PPCDC: variants seen among roughly 807,000 people sequenced by gnomAD.
PPCDC encodes the protein phosphopantothenoylcysteine decarboxylase.
A neutral mutation model predicts 20.7 loss-of-function variants in PPCDC; 20 were observed. That is an observed-to-expected ratio of 0.97 (90% CI 0.68 to 1.41). The LOEUF (loss-of-function observed/expected upper bound fraction) is 1.41, where lower values mean the gene tolerates loss of function less well. Ranked by LOEUF, PPCDC falls within the 40% of genes most tolerant of loss-of-function variation. PPCDC has a pLI of 0.00. For missense variants in PPCDC, 246 were observed against 263.8 expected, an observed-to-expected ratio of 0.93 and a Z score of 0.47; for synonymous variants, 88 against 100.3, an observed-to-expected ratio of 0.88 and a Z score of 0.73.
intron 2 of PPCDC, among the ~76,000 whole-genome samples, chr15:75,029,663 A>G (rs1018666151): frequency 6.6e-6 from 1 of 151,952 alleles, no homozygotes; most frequent in Non-Finnish European, 1.5e-5. Flanking sequence ...GTCTCGTGGC[A>G]CTCTGACACT....
At chr15:75,038,006 G>A (rs918190902) in intron 2 of PPCDC, among the ~76,000 whole-genome samples, 1 of 152,166 alleles carries the variant, frequency 6.6e-6, no homozygotes, top group African/African-American at 2.4e-5. Context: ...TCCACAAATT[G>A]CTACAGATGA....
At chr15:75,033,988 CA>C (rs2066056632) in intron 2 of PPCDC, among the ~76,000 whole-genome samples, 1 of 152,188 alleles carries the variant, frequency 6.6e-6, no homozygotes, top group Non-Finnish European at 1.5e-5. Context: ...CCAGCTCCCC[CA>C]GGGGCAGATG....
intron 2 of PPCDC, 93 bp downstream of exon 2, chr15:75,028,546 T>C: frequency 6.5e-7 from 1 of 1,533,548 alleles, no homozygotes; most frequent in Non-Finnish European, 8.9e-7. Flanking sequence ...CATGCAATTT[T>C]CTTTTTCTTT....
intron 4 of PPCDC, among the ~76,000 whole-genome samples, chr15:75,048,348 G>A (rs1219064134): frequency 2.0e-5 from 3 of 152,196 alleles, no homozygotes; most frequent in Non-Finnish European, 4.4e-5. Flanking sequence ...CTGTTTGTAG[G>A]ATCCTGTGCC....
At chr15:75,039,894 C>T (rs545923766) in intron 2 of PPCDC, among the ~76,000 whole-genome samples, 1 of 151,734 alleles carries the variant, frequency 6.6e-6, no homozygotes, top group African/African-American at 2.4e-5. Context: ...AAGCGATTCT[C>T]CTGCCTCAGC....
chr15:75,044,656 G>A (rs1198547157), intron 4 of PPCDC, 142 bp downstream of exon 4: 5 of 1,153,974 alleles, frequency 4.3e-6, no homozygotes, highest in East Asian at 2.7e-5. Flanking sequence ...TCCCCACATC[G>A]CCCCCAGTGC....
At chr15:75,046,655 A>G (rs1396950395) in intron 4 of PPCDC, among the ~76,000 whole-genome samples, 5 of 152,246 alleles carry the variant, frequency 3.3e-5, no homozygotes, top group African/African-American at 1.2e-4. Context: ...AAGTGTGGGC[A>G]TTGGTGGCCT....
intron 2 of PPCDC, among the ~76,000 whole-genome samples, chr15:75,042,592 G>A (rs975862165): frequency 2.7e-5 from 4 of 150,546 alleles, no homozygotes; most frequent in African/African-American, 9.8e-5. Flanking sequence ...GGCGGAGGTT[G>A]CGGTGAGCCG....
At chr15:75,024,831 G>A (rs942368441) in intron 1 of PPCDC, among the ~76,000 whole-genome samples, 18 of 150,296 alleles carry the variant, frequency 1.2e-4, no homozygotes, top group African/African-American at 3.7e-4. Context: ...GTGCCACCAC[G>A]CCCTCCATAT....
chr15:75,028,538 T>A, intron 2 of PPCDC, 85 bp downstream of exon 2: 1 of 1,549,644 alleles, frequency 6.5e-7, no homozygotes. Flanking sequence ...CTGCAGTACA[T>A]GCAATTTTCT....
At chr15:75,045,410 A>G (rs976441051) in intron 4 of PPCDC, among the ~76,000 whole-genome samples, 1 of 152,168 alleles carries the variant, frequency 6.6e-6, no homozygotes, top group Non-Finnish European at 1.5e-5. Context: ...TGGAGTCACC[A>G]CCTTGCATAG....
intron 2 of PPCDC, among the ~76,000 whole-genome samples, chr15:75,032,349 A>C (rs1458249673): frequency 6.6e-6 from 1 of 152,184 alleles, no homozygotes; most frequent in Non-Finnish European, 1.5e-5. Context: ...AGGTCTGTCG[A>C]GGGTGAGGAA....
chr15:75,049,848 T>G lies in PPCDC; in HGVS notation c.*613T>G, dbSNP rs2066291727. ...TGGGTTCACAACTCACCGGCACTCTTTAGTCCCCGTATAACATGGTGGTTA... is the reference window on the plus strand; with the variant it reads ...TGGGTTCACAACTCACCGGCACTCTGTAGTCCCCGTATAACATGGTGGTTA... On this transcript the variant is annotated 3_prime_UTR_variant, in exon 6 of 6. Transcript: ENST00000342932. 6.6e-6 allele frequency: 1 copy of G among 152,396 alleles called. No homozygotes were observed. The highest frequency in any genetic ancestry group is 2.4e-5 in the African/African-American group (1 of 41,432). The allele number at this position is 152,396 out of a possible 1,614,324, so 9.4% of individuals were successfully genotyped here.
chr15:75,043,736 C>T, intron 3 of PPCDC, 200 bp downstream of exon 3: 1 of 578,914 alleles, frequency 1.7e-6, no homozygotes, highest in South Asian at 2.1e-5. Context: ...CCTCCCGGCC[C>T]AGGCAGAGCT....
chr15:75,048,513 C>CA (rs1417596338), intron 4 of PPCDC, 40 bp from the exon 5 acceptor site: 12 of 1,597,206 alleles, frequency 7.5e-6, no homozygotes, highest in Non-Finnish European at 1.0e-5. Flanking sequence ...GGGTGGCAGA[C>CA]AGAGTAGCAA....
At chr15:75,024,083 AAGTGCTG>A (rs1378590618) in intron 1 of PPCDC, among the ~76,000 whole-genome samples, 1 of 152,240 alleles carries the variant, frequency 6.6e-6, no homozygotes, top group African/African-American at 2.4e-5. Context: ...GCCTGCCAAA[AAGTGCTG>A]AGTGCTATTT....
chr15:75,040,563 A>G (rs1254183710), intron 2 of PPCDC, among the ~76,000 whole-genome samples: 1 of 152,178 alleles, frequency 6.6e-6, no homozygotes, highest in Non-Finnish European at 1.5e-5. Context: ...GAATTTTAAT[A>G]CAGAAGATGA....
At chr15:75,027,862 G>C (rs542334221) in intron 1 of PPCDC, among the ~76,000 whole-genome samples, 4 of 152,054 alleles carry the variant, frequency 2.6e-5, no homozygotes, top group Non-Finnish European at 4.4e-5. Flanking sequence ...TCCCCAACCT[G>C]CCACCCTCCT....
At position 75,050,353 on chromosome 15, in the gene PPCDC, C is replaced by G. The variant is rs530419136; in HGVS notation, c.*1118C>G. 1 of 152,370 alleles carries G rather than the reference C, an allele frequency of 6.6e-6. No homozygotes were observed. The highest frequency in any genetic ancestry group is 1.5e-5 in the Non-Finnish European group (1 of 68,148). 9.4% of individuals were successfully genotyped at this position (152,370 alleles called of 1,614,324 possible). ...CCTGGGTGTCTGTGCCTCCCTACCCCCCAGTACACATGACCAAGGGAAGTA... is the reference window on the plus strand; with the variant it reads ...CCTGGGTGTCTGTGCCTCCCTACCCGCCAGTACACATGACCAAGGGAAGTA... On this transcript the variant is annotated 3_prime_UTR_variant, in exon 6 of 6. Transcript: ENST00000342932.
Sources: allele counts gnomAD v4.1 joint callset (sites outside exome capture counted in the v4.1 genomes callset), GRCh38; gene constraint gnomAD v4.1.1; transcripts MANE v1.5; gene names NCBI Gene and HGNC (gene_info 2026-07-23, HGNC 2026-07-21).